Variants in SPAG16 observed in about 807,000 individuals in gnomAD.
SPAG16 encodes the protein sperm associated antigen 16.
SPAG16 carries 86 observed loss-of-function variants against 80.4 expected under a neutral mutation model. That is an observed-to-expected ratio of 1.07 (90% CI 0.90 to 1.28). SPAG16 has a LOEUF of 1.28. Among genes scored for constraint, SPAG16 ranks in the 50% most tolerant of loss-of-function variants. SPAG16 has a pLI of 0.00. For synonymous variants in SPAG16, 294 were observed against 265.9 expected, an observed-to-expected ratio of 1.11 and a Z score of -1.03; for missense variants, 870 against 765.3, an observed-to-expected ratio of 1.14 and a Z score of -1.61.
intron 10 of SPAG16, among the ~76,000 whole-genome samples, chr2:213,787,783 C>T (rs1288155171): frequency 6.6e-6 from 1 of 151,826 alleles, no homozygotes; most frequent in Non-Finnish European, 1.5e-5. Flanking sequence ...GTTGATACAA[C>T]AATTTTTGGA....
At chr2:214,392,149 C>G (rs941332668) in intron 15 of SPAG16, among the ~76,000 whole-genome samples, 1 of 152,026 alleles carries the variant, frequency 6.6e-6, no homozygotes, top group Non-Finnish European at 1.5e-5. Context: ...CAGCTTGCCA[C>G]TCAGTCTCAG....
intron 5 of SPAG16, among the ~76,000 whole-genome samples, chr2:213,321,124 A>G (rs1040977864): frequency 6.6e-6 from 1 of 152,108 alleles, no homozygotes. Flanking sequence ...AATAAAATAG[A>G]TATCAAATAC....
intron 15 of SPAG16, among the ~76,000 whole-genome samples, chr2:214,376,528 G>A (rs1159499455): frequency 1.3e-5 from 2 of 151,896 alleles, no homozygotes; most frequent in African/African-American, 2.4e-5. Context: ...AAAATAATAG[G>A]ACCAAAATGG....
intron 11 of SPAG16, among the ~76,000 whole-genome samples, chr2:213,907,573 T>C (rs542907401): frequency 1.7e-4 from 26 of 152,218 alleles, no homozygotes; most frequent in African/African-American, 5.3e-4. Flanking sequence ...ATCAAAGTGA[T>C]AACTGTACTC....
chr2:213,599,309 T>C (rs1372756784), intron 10 of SPAG16, among the ~76,000 whole-genome samples: 4 of 152,192 alleles, frequency 2.6e-5, no homozygotes, highest in Non-Finnish European at 4.4e-5. Flanking sequence ...AATTCCAAAC[T>C]ATTCCCAAGC....
intron 15 of SPAG16, among the ~76,000 whole-genome samples, chr2:214,209,735 C>A (rs1175736545): frequency 6.6e-6 from 1 of 152,026 alleles, no homozygotes; most frequent in Admixed American, 6.6e-5. Flanking sequence ...TTGGCTTTGC[C>A]CAGAAACATG....
intron 13 of SPAG16, among the ~76,000 whole-genome samples, chr2:214,027,939 A>C (rs1372122822): frequency 2.0e-5 from 3 of 151,962 alleles, no homozygotes; most frequent in Non-Finnish European, 2.9e-5. Context: ...TTAAAGGTAT[A>C]ATATATGACT....
intron 15 of SPAG16, among the ~76,000 whole-genome samples, chr2:214,405,610 A>G (rs750761383): frequency 2.6e-5 from 4 of 152,174 alleles, no homozygotes; most frequent in Non-Finnish European, 4.4e-5. Context: ...AGCAGGGCCA[A>G]CATGGTGAAG....
chr2:214,223,432 A>G (rs531459573), intron 15 of SPAG16, among the ~76,000 whole-genome samples: 3 of 152,202 alleles, frequency 2.0e-5, no homozygotes, highest in East Asian at 3.9e-4. Flanking sequence ...ACTAAATCAA[A>G]TTGGTAAAAA....
At position 213,851,217 on chromosome 2, in the gene SPAG16, A is replaced by G. The variant is rs564920684; in HGVS notation, c.1071-11268A>G. On this transcript the variant is annotated intron_variant, in intron 10 of 15. Coordinates refer to ENST00000331683, the MANE Select transcript of SPAG16 (RefSeq NM_024532.5). ...GTTTAAAAAGATTTGGGTTGAATCT[A>G]TAAACTAATAATATGGGCCAGCGTG... is the stretch of plus-strand genomic sequence containing the variant. Among the ~76,000 whole-genome samples the G allele has an allele frequency of 9.1e-4, 138 of 152,338 alleles. No individual in the cohort carries two copies. The Middle Eastern group carries it at 0.01, about 11-fold the overall frequency.
At chr2:214,403,056 A>C (rs1031832302) in intron 15 of SPAG16, among the ~76,000 whole-genome samples, 5 of 151,302 alleles carry the variant, frequency 3.3e-5, no homozygotes, top group Non-Finnish European at 5.9e-5. Context: ...AAAAAAAAAA[A>C]AAAAACTCAT....
chr2:213,291,899 T>C (rs558477362), intron 1 of SPAG16, among the ~76,000 whole-genome samples: 15 of 152,238 alleles, frequency 9.9e-5, no homozygotes, highest in Non-Finnish European at 1.9e-4. Context: ...AGAATAAATA[T>C]AGTTTTGGTC....
At position 214,410,328 on chromosome 2, in the gene SPAG16, C is replaced by G. The variant is rs1702230310; in HGVS notation, c.*13C>G. 6.3e-7 allele frequency: 1 copy of G among 1,581,948 alleles called. No individual in the cohort carries two copies. The highest frequency in any genetic ancestry group is 1.3e-5 in the African/African-American group (1 of 74,496). Reference sequence around the variant, plus strand: ...AACGTGGTCTTGACCGTCAGCACATCCCGCTGCAGAGGGCATTCCCTTTAA... The same window carrying G: ...AACGTGGTCTTGACCGTCAGCACATGCCGCTGCAGAGGGCATTCCCTTTAA... On this transcript the variant is annotated 3_prime_UTR_variant, in exon 16 of 16. Coordinates refer to ENST00000331683, the MANE Select transcript of SPAG16 (RefSeq NM_024532.5).
At chr2:213,350,375 G>A (rs1270658283) in intron 6 of SPAG16, among the ~76,000 whole-genome samples, 153 bp from the exon 7 acceptor site, 1 of 152,070 alleles carries the variant, frequency 6.6e-6, no homozygotes, top group Non-Finnish European at 1.5e-5. Flanking sequence ...TATGCTTTTT[G>A]TGCTTCTTGG....
chr2:214,074,239 A>G (rs919389417), intron 13 of SPAG16, among the ~76,000 whole-genome samples: 1 of 152,308 alleles, frequency 6.6e-6, no homozygotes, highest in East Asian at 1.9e-4. Context: ...ATAAATTTCT[A>G]TGTTCATGAA....
chr2:214,066,687 A>G (rs1479610739), intron 13 of SPAG16, among the ~76,000 whole-genome samples: 1 of 152,142 alleles, frequency 6.6e-6, no homozygotes, highest in African/African-American at 2.4e-5. Context: ...AAACTCAAAA[A>G]CTACAATAAA....
intron 12 of SPAG16, among the ~76,000 whole-genome samples, chr2:213,982,737 AG>A (rs1553687185): frequency 2.0e-5 from 1 of 49,178 alleles, no homozygotes; most frequent in South Asian, 1.7e-3. Context: ...ACAACATAAG[AG>A]TAAAAGATAA....
intron 12 of SPAG16, among the ~76,000 whole-genome samples, chr2:214,013,683 G>A (rs2047433641): frequency 6.6e-6 from 1 of 152,090 alleles, no homozygotes. Context: ...TCATTTCATG[G>A]TAAAGTATAA....
intron 10 of SPAG16, among the ~76,000 whole-genome samples, chr2:213,737,295 G>A (rs1375293697): frequency 1.3e-5 from 2 of 151,974 alleles, no homozygotes; most frequent in Non-Finnish European, 2.9e-5. Flanking sequence ...AATTTTCTTT[G>A]TGCATACGTG....
Sources: allele counts gnomAD v4.1 joint callset (sites outside exome capture counted in the v4.1 genomes callset), GRCh38; gene constraint gnomAD v4.1.1; transcripts MANE v1.5; gene names NCBI Gene and HGNC (gene_info 2026-07-23, HGNC 2026-07-21).